Variants in F11 observed in about 807,000 individuals in gnomAD.
F11 encodes the protein coagulation factor XI.
In F11, 78 loss-of-function variants were observed where a neutral mutation model predicts 76.5. The observed-to-expected ratio is 1.02, with a 90% confidence interval of 0.85 to 1.23. The LOEUF (loss-of-function observed/expected upper bound fraction) is 1.23. Ranked by LOEUF, F11 falls within the 50% of genes most tolerant of loss-of-function variation. The probability of loss-of-function intolerance (pLI) is 0.00; values close to 1 mark genes in which losing one functional copy is unlikely to be tolerated. For synonymous variants in F11, 278 were observed against 276.3 expected (o/e 1.01, Z -0.06); for missense variants, 742 against 771.4 (o/e 0.96, Z 0.45).
downstream of F11, among the ~76,000 whole-genome samples, chr4:186,289,771 C>T (rs1023595853): frequency 6.7e-6 from 1 of 150,016 alleles, no homozygotes; most frequent in African/African-American, 2.5e-5. Context: ...TAAACTCTAC[C>T]TCCTGGATTC....
intron 5 of F11, 105 bp downstream of exon 5, chr4:186,274,380 A>G: frequency 1.4e-6 from 2 of 1,414,624 alleles, no homozygotes; most frequent in South Asian, 1.2e-5. Flanking sequence ...TTGAACCCCT[A>G]AAAGACATTT....
intron 3 of F11, 99 bp from the exon 4 acceptor site, chr4:186,272,968 AGTTT>A (rs1740089419): frequency 1.4e-6 from 1 of 738,350 alleles, no homozygotes; most frequent in African/African-American, 1.8e-5. Context: ...GAGATAAAGT[AGTTT>A]GTTTCCTTCT....
intron 10 of F11, chr4:186,283,198 C>T (rs922717607): frequency 2.6e-5 from 6 of 230,626 alleles, no homozygotes; most frequent in Non-Finnish European, 4.3e-5. Flanking sequence ...AATTTTGAGT[C>T]GCATAGGTGT....
chr4:186,276,484 C>G (rs1158569940), intron 7 of F11, 94 bp downstream of exon 7: 6 of 1,426,916 alleles, frequency 4.2e-6, no homozygotes, highest in Non-Finnish European at 2.9e-6. Context: ...AAAATTTACT[C>G]TAAATGTCAG....
In F11 at chr4:186,288,446, G is replaced by C. The variant is rs778179698; in HGVS notation, c.1717-7G>C. ...TGTGCACCTTTTCTTGTCTCCCCTCGTTCTAGGGAGATTCGGGAGGCCCTC... is the reference window on the plus strand; with the variant it reads ...TGTGCACCTTTTCTTGTCTCCCCTCCTTCTAGGGAGATTCGGGAGGCCCTC... On this transcript the variant is annotated splice_region_variant and splice_polypyrimidine_tract_variant and intron_variant, in intron 14 of 14. Coordinates refer to ENST00000403665, the MANE Select transcript of F11 (RefSeq NM_000128.4). The C allele has an allele frequency of 6.2e-7, 1 of 1,613,984 alleles. No individual in the cohort carries two copies. The highest frequency in any genetic ancestry group is 8.5e-7 in the Non-Finnish European group (1 of 1,179,930).
At chr4:186,285,336 C>T (rs916486609) in intron 11 of F11, among the ~76,000 whole-genome samples, 1 of 150,400 alleles carries the variant, frequency 6.6e-6, no homozygotes, top group Non-Finnish European at 1.5e-5. Flanking sequence ...TGTGTGTGTG[C>T]GTGTGTGTCT....
chr4:186,282,888 A>C (rs1327414766), intron 10 of F11: 1 of 984,824 alleles, frequency 1.0e-6, no homozygotes, highest in African/African-American at 1.8e-5. Context: ...AGAATTATAC[A>C]CTCATTTTCC....
chr4:186,275,936 A>G (rs771805576), intron 6 of F11, 40 bp downstream of exon 6: 1 of 1,455,514 alleles, frequency 6.9e-7, no homozygotes, highest in South Asian at 1.2e-5. Flanking sequence ...CAACCATTAA[A>G]TATGCTGATG....
chr4:186,280,599 GA>G lies in F11; in HGVS notation c.1135+25del, dbSNP rs1311546372. On this transcript the variant is annotated intron_variant, in intron 10 of 14. Transcript: ENST00000403665. ...GATAATGGTGAGTATAATGTCACTT[GA>G]AAAAATATAGCTGAAGGAATTATTC... 6.4e-7 allele frequency: 1 copy of G among 1,553,730 alleles called. No individual in the cohort carries two copies. The highest frequency in any genetic ancestry group is 8.9e-7 in the Non-Finnish European group (1 of 1,125,938).
chr4:186,276,743 C>T (rs562815053), intron 7 of F11, among the ~76,000 whole-genome samples: 14 of 151,976 alleles, frequency 9.2e-5, no homozygotes, highest in African/African-American at 2.9e-4. Context: ...TGGGACACCA[C>T]GCCCAGTAAT....
intron 7 of F11, among the ~76,000 whole-genome samples, chr4:186,276,625 T>A (rs1740408760): frequency 7.1e-6 from 1 of 141,786 alleles, no homozygotes; most frequent in South Asian, 2.4e-4. Context: ...CTCGCTCTGC[T>A]GCCCAGGCTG....
chr4:186,286,161 A>C, intron 12 of F11: 1 of 527,228 alleles, frequency 1.9e-6, no homozygotes, highest in South Asian at 2.1e-5. Context: ...ACAATTAAGC[A>C]ACTTGTGCAG....
intron 10 of F11, among the ~76,000 whole-genome samples, chr4:186,283,688 G>A (rs1227647386): frequency 1.3e-5 from 2 of 152,312 alleles, no homozygotes; most frequent in East Asian, 3.9e-4. Context: ...ACAGATGGCT[G>A]AGCTTCCAGG....
In F11 at chr4:186,280,263, G is replaced by A; in HGVS notation, c.906G>A (p.Leu302=). Residue 302 remains leucine, a synonymous_variant, in exon 9 of 15, where the codon TTG becomes TTA. Transcript: ENST00000403665. ...HSSFYHDTDF[L]GEELDIVAAK... Reference sequence around the variant, plus strand: ...CATTTTACCATGACACTGATTTCTTGGGAGAAGAACTGGATATTGTTGCTG... The same window carrying A: ...CATTTTACCATGACACTGATTTCTTAGGAGAAGAACTGGATATTGTTGCTG... 6.2e-7 allele frequency: 1 copy of A among 1,614,130 alleles called. No homozygotes were observed.
chr4:186,276,509 T>G, intron 7 of F11, 119 bp downstream of exon 7: 1 of 1,193,778 alleles, frequency 8.4e-7, no homozygotes, highest in Non-Finnish European at 1.2e-6. Flanking sequence ...GGATAAAAGT[T>G]GCAAAGAATT....
intron 12 of F11, 53 bp from the exon 13 acceptor site, chr4:186,286,361 GA>G: frequency 1.4e-6 from 2 of 1,412,274 alleles, no homozygotes; most frequent in Non-Finnish European, 2.0e-6. Context: ...GTCTCTTCTG[GA>G]AAAGAGGATA....
downstream of F11, among the ~76,000 whole-genome samples, chr4:186,289,881 C>T (rs1741465453): frequency 6.6e-6 from 1 of 152,110 alleles, no homozygotes; most frequent in African/African-American, 2.4e-5. Flanking sequence ...CGGGGTTTCA[C>T]TATGTTGGCC....
At chr4:186,281,813 A>G in intron 10 of F11, 1 of 1,077,454 alleles carries the variant, frequency 9.3e-7, no homozygotes, top group Non-Finnish European at 1.2e-6. Context: ...TCTGTGTCAG[A>G]TTATCTGCTG....
chr4:186,286,557 G>T, intron 13 of F11, 47 bp downstream of exon 13: 1 of 1,608,506 alleles, frequency 6.2e-7, no homozygotes, highest in Non-Finnish European at 8.5e-7. Flanking sequence ...AATGAAGAGC[G>T]GAACCTTTTC....
Sources: allele counts gnomAD v4.1 joint callset (sites outside exome capture counted in the v4.1 genomes callset), GRCh38; gene constraint gnomAD v4.1.1; transcripts MANE v1.5; gene names NCBI Gene and HGNC (gene_info 2026-07-23, HGNC 2026-07-21).